The following PLG variants were observed in gnomAD, a reference collection of about 807,000 sequenced individuals.
PLG encodes plasmin.
In PLG, 41 loss-of-function variants were observed where a neutral mutation model predicts 104.4. The observed-to-expected ratio is 0.39, with a 90% CI of 0.31 to 0.51. The LOEUF is 0.51. PLG is among the 20% of genes least tolerant of loss of function. The probability of loss-of-function intolerance (pLI) is 0.76; values close to 1 mark genes in which losing one functional copy is unlikely to be tolerated. For synonymous variants in PLG, 337 were observed against 357.1 expected, an observed-to-expected ratio of 0.94 and a Z score of 0.63; for missense variants, 891 against 1,003.6, an observed-to-expected ratio of 0.89 and a Z score of 1.52.
At chr6:160,715,867 G>A (rs1192191856) in intron 6 of PLG, among the ~76,000 whole-genome samples, 1 of 152,246 alleles carries the variant, frequency 6.6e-6, no homozygotes, top group Non-Finnish European at 1.5e-5. Context: ...TTAAGCCGCT[G>A]CTGGCTCCTC....
chr6:160,727,242 T>C (rs999252695), intron 10 of PLG, among the ~76,000 whole-genome samples: 10 of 151,768 alleles, frequency 6.6e-5, no homozygotes, highest in African/African-American at 2.4e-4. Flanking sequence ...AAACTGAATT[T>C]CTAACCAATC....
chr6:160,702,782 C>A (rs1562369384), intron 1 of PLG, among the ~76,000 whole-genome samples: 1 of 152,160 alleles, frequency 6.6e-6, no homozygotes, highest in Non-Finnish European at 1.5e-5. Context: ...GTTCTCTCAC[C>A]AGTTCATGGT....
intron 10 of PLG, among the ~76,000 whole-genome samples, chr6:160,729,824 A>G (rs1368060949): frequency 6.6e-6 from 1 of 152,232 alleles, no homozygotes; most frequent in Non-Finnish European, 1.5e-5. Flanking sequence ...ACACAAGTAT[A>G]GGTGATCATC....
In PLG at chr6:160,716,659, A is replaced by T. The variant is rs1777737064; in HGVS notation, c.683A>T (p.Asn228Ile). 2 of 1,603,550 alleles carry T rather than the reference A, an allele frequency of 1.2e-6. No homozygotes were observed. The highest frequency in any genetic ancestry group is 2.2e-5 in the South Asian group (2 of 90,846). The change falls in exon 7 of 19, where the codon AAC becomes ATC. Residue 228 changes from asparagine to isoleucine, a missense_variant. Asn to Ile is a moderately radical substitution (Grantham distance 149). This residue lies in a region of PLG where 854 missense variants were observed against 932.1 expected (regional missense o/e 0.92). Coordinates refer to ENST00000308192, the MANE Select transcript of PLG (RefSeq NM_000301.5). The stretch of plus-strand genomic sequence containing the variant: ...TGTCCATTCAGATTTCCAAACAAGA[A>T]CCTGAAGAAGAATTACTGTCGTAAC... The part of the protein sequence containing the change: ...GYIPSKFPNK[N>I]LKKNYCRNPD...
chr6:160,728,517 G>A (rs950470633), intron 10 of PLG, among the ~76,000 whole-genome samples: 1 of 151,696 alleles, frequency 6.6e-6, no homozygotes, highest in African/African-American at 2.4e-5. Context: ...GACCTATAAA[G>A]GTACAGTAAA....
chr6:160,713,236 C>T, intron 5 of PLG, 111 bp downstream of exon 5: 1 of 926,568 alleles, frequency 1.1e-6, no homozygotes, highest in Non-Finnish European at 1.8e-6. Context: ...AACGTATTCA[C>T]CTCTCGGAAA....
intron 3 of PLG, among the ~76,000 whole-genome samples, chr6:160,710,548 A>G (rs532518618): frequency 0.015 from 2,276 of 152,102 alleles, 56 homozygotes; most frequent in African/African-American, 0.052. Flanking sequence ...AACCATTTAC[A>G]GTAGACCACA....
intron 12 of PLG, among the ~76,000 whole-genome samples, chr6:160,733,427 G>A (rs1396099999): frequency 6.6e-6 from 1 of 152,120 alleles, no homozygotes; most frequent in African/African-American, 2.4e-5. Context: ...AGACCCCCGA[G>A]GGTCACCACT....
Position 160,731,147 on chromosome 6 carries a change from G to GA in PLG, c.1359dup (p.Cys454MetfsTer59). 1 of 1,614,066 alleles carries GA rather than the reference G, an allele frequency of 6.2e-7. No individual in the cohort carries two copies. The highest frequency in any genetic ancestry group is 8.5e-7 in the Non-Finnish European group (1 of 1,179,968). ...GCGTCAGGTGGGAGTACTGCAACCT[G>GA]AAAAAATGCTCAGGAACAGAAGCGA... On this transcript the variant is annotated frameshift_variant, in exon 11 of 19. Transcript: ENST00000308192. LOFTEE classifies it high-confidence loss of function. The surrounding 1 kb of genome is among the most constrained non-coding windows in gnomAD (Gnocchi z 5.1).
rs1778069603 is a variant in PLG at position 160,735,285 on chromosome 6, G to C, written c.1681+1197G>C. On this transcript the variant is annotated intron_variant, in intron 13 of 18. Coordinates refer to ENST00000308192, the MANE Select transcript of PLG (RefSeq NM_000301.5). This position sits in a 1 kb window ranked among gnomAD's most constrained non-coding sequence, Gnocchi z 5.4. ...TGCCCGGGCTCTCTATCCTTGACAG[G>C]CTGCCTTGAAGTTGAGCCCAGACTG... Among the ~76,000 whole-genome samples, 2 of 152,078 alleles carry C rather than the reference G, an allele frequency of 1.3e-5. No individual in the cohort carries two copies. Among genetic ancestry groups the C allele is most frequent in the Admixed American group, 1.3e-4 (2 of 15,268 alleles).
In PLG at chr6:160,752,374, G is replaced by A; in HGVS notation, c.2271+114G>A. 1 of 913,246 alleles carries A rather than the reference G, an allele frequency of 1.1e-6. No homozygotes were observed. The highest frequency in any genetic ancestry group is 1.8e-6 in the Non-Finnish European group (1 of 554,560). The allele number at this position is 913,246 out of a possible 1,614,324, so 56.6% of individuals were successfully genotyped here. On this transcript the variant is annotated intron_variant, in intron 18 of 18. Transcript: ENST00000308192. This position sits in a 1 kb window ranked among gnomAD's most constrained non-coding sequence, Gnocchi z 4.7. ...CAAGGATTTTCAACCGAAGACCCCAGTCTAAGTGTTGTTTAGAAACTTCCT... is the reference window on the plus strand; with the variant it reads ...CAAGGATTTTCAACCGAAGACCCCAATCTAAGTGTTGTTTAGAAACTTCCT...
In PLG at chr6:160,732,843, C is replaced by T. The variant is rs1778020917; in HGVS notation, c.1587+950C>T. ...ACCAGCCCCCGGTACCCCAAGTGTT[C>T]AGCAACCCAGAAGCTCTCCAAGTGC... On this transcript the variant is annotated intron_variant, in intron 12 of 18. Coordinates refer to ENST00000308192, the MANE Select transcript of PLG (RefSeq NM_000301.5). The surrounding 1 kb of genome is among the most constrained non-coding windows in gnomAD (Gnocchi z 4.5). Among the ~76,000 whole-genome samples, 1 of 152,134 alleles carries T rather than the reference C, an allele frequency of 6.6e-6. No individual in the cohort carries two copies. The highest frequency in any genetic ancestry group is 1.5e-5 in the Non-Finnish European group (1 of 68,016).
At chr6:160,748,381 A>AG (rs1562383374) in intron 17 of PLG, among the ~76,000 whole-genome samples, 14 of 48,340 alleles carry the variant, frequency 2.9e-4, no homozygotes, top group South Asian at 2.0e-3. Flanking sequence ...AGAAAGAAAG[A>AG]AAGAAAGAAA....
intron 17 of PLG, among the ~76,000 whole-genome samples, chr6:160,749,042 G>T (rs1458909513): frequency 6.6e-6 from 1 of 152,206 alleles, no homozygotes; most frequent in Admixed American, 6.5e-5. Flanking sequence ...GATATAGTGT[G>T]ATAGGCTGCT....
chr6:160,737,708 T>C lies in PLG; in HGVS notation c.1802+701T>C, dbSNP rs953737794. Among the ~76,000 whole-genome samples, 3 of 152,210 alleles carry C rather than the reference T, an allele frequency of 2.0e-5. No individual in the cohort carries two copies. The highest frequency in any genetic ancestry group is 7.2e-5 in the African/African-American group (3 of 41,450). On this transcript the variant is annotated intron_variant, in intron 14 of 18. Transcript: ENST00000308192. The surrounding 1 kb of genome is among the most constrained non-coding windows in gnomAD (Gnocchi z 4.7). Reference sequence around the variant, plus strand: ...TCTCACTTCTACACGAGGGTGCCTGTGCTCAATTGCTGTTTTCCCCTAAAG... The same window carrying C: ...TCTCACTTCTACACGAGGGTGCCTGCGCTCAATTGCTGTTTTCCCCTAAAG...
rs567569444 is a variant in PLG, at chr6:160,749,536, CCAT to C, written c.2126-2573_2126-2571del. 3.0e-4 allele frequency among the ~76,000 whole-genome samples: 44 copies of C among 148,100 alleles called. No individual in the cohort carries two copies. In the South Asian group the frequency reaches 8.8e-3, roughly 30 times the overall value. On this transcript the variant is annotated intron_variant, in intron 17 of 18. Transcript: ENST00000308192. ...ATTACTGCCATCAACATCACCATCA[CCAT>C]CATCACCACCATCACCATCATTATC...
At chr6:160,722,689 T>A in intron 10 of PLG, 122 bp downstream of exon 10, 1 of 833,092 alleles carries the variant, frequency 1.2e-6, no homozygotes. Context: ...CCAGAATGTG[T>A]AGAAAAATGT....
Position 160,725,730 on chromosome 6 carries a change from A to C in PLG, c.1256+3163A>C, listed in dbSNP as rs1777910980. 6.6e-6 allele frequency among the ~76,000 whole-genome samples: 1 copy of C among 152,138 alleles called. No homozygotes were observed. The highest frequency in any genetic ancestry group is 1.5e-5 in the Non-Finnish European group (1 of 67,998). On this transcript the variant is annotated intron_variant, in intron 10 of 18. Coordinates refer to ENST00000308192, the MANE Select transcript of PLG (RefSeq NM_000301.5). The surrounding 1 kb of genome is among the most constrained non-coding windows in gnomAD (Gnocchi z 6.3). ...TTCTTTTTACTATACATGCTCTTTA[A>C]TTGTAAAGAGCTAGTCCAAAAACCA...
At position 160,734,026 on chromosome 6, in the gene PLG, G is replaced by A. The variant is rs2115175927; in HGVS notation, c.1619G>A (p.Gly540Asp). The A allele has an allele frequency of 1.2e-6, 2 of 1,610,652 alleles. No individual in the cohort carries two copies. The highest frequency in any genetic ancestry group is 1.3e-5 in the African/African-American group (1 of 74,918). ...CGTAACCCTGATGGTGATGTAGGTGGTCCCTGGTGCTACACGACAAATCCA... is the reference window on the plus strand; with the variant it reads ...CGTAACCCTGATGGTGATGTAGGTGATCCCTGGTGCTACACGACAAATCCA... Reference protein sequence around the residue: ...YCRNPDGDVGGPWCYTTNPRK... With the variant: ...YCRNPDGDVGDPWCYTTNPRK... Residue 540 changes from glycine to aspartate, a missense_variant, in exon 13 of 19, where the codon GGT becomes GAT. Physicochemically the swap from Gly to Asp is moderately conservative, Grantham distance 94 (BLOSUM62 -1). This residue lies in a region of PLG where 854 missense variants were observed against 932.1 expected (regional missense o/e 0.92). Transcript: ENST00000308192. This position sits in a 1 kb window ranked among gnomAD's most constrained non-coding sequence, Gnocchi z 4.4.
Sources: allele counts gnomAD v4.1 joint callset (sites outside exome capture counted in the v4.1 genomes callset), GRCh38; gene constraint gnomAD v4.1.1; regional missense constraint gnomAD v4.1.1; non-coding constraint Gnocchi (gnomAD v3.1); transcripts MANE v1.5; gene names NCBI Gene and HGNC (gene_info 2026-07-23, HGNC 2026-07-21).